Variants in TMEM120B observed in about 807,000 individuals in gnomAD.
TMEM120B encodes transmembrane protein 120B.
A neutral mutation model predicts 55.5 loss-of-function variants in TMEM120B; 31 were observed. The observed-to-expected ratio is 0.56, with a 90% CI of 0.42 to 0.75. The LOEUF (loss-of-function observed/expected upper bound fraction) is 0.75. TMEM120B is among the 30% of genes least tolerant of loss of function. The pLI is 0.00. For synonymous variants in TMEM120B, 203 were observed against 176.3 expected (o/e 1.15, Z -1.20); for missense variants, 399 against 425.5 (o/e 0.94, Z 0.55).
intron 4 of TMEM120B, among the ~76,000 whole-genome samples, chr12:121,751,224 A>C (rs1452140866): frequency 5.7e-5 from 3 of 52,990 alleles, no homozygotes; most frequent in Admixed American, 2.3e-4. Flanking sequence ...CACACCCAAC[A>C]CCCCACACCC....
chr12:121,779,327 TG>T lies in TMEM120B; in HGVS notation c.*3607del. 1 of 701,876 alleles carries T rather than the reference TG, an allele frequency of 1.4e-6. No homozygotes were observed. The highest frequency in any genetic ancestry group is 2.3e-6 in the Non-Finnish European group (1 of 430,970). 43.5% of individuals were successfully genotyped at this position (701,876 alleles called of 1,614,324 possible). ...CAGGGGCAGCCTGGAGGGGAGTTTGTGGTCAGAGCCCCAGCCAGGAAAGGAG... is the reference window on the plus strand; with the variant it reads ...CAGGGGCAGCCTGGAGGGGAGTTTGTGTCAGAGCCCCAGCCAGGAAAGGAG... On this transcript the variant is annotated 3_prime_UTR_variant, in exon 12 of 12. Coordinates refer to ENST00000449592, the MANE Select transcript of TMEM120B (RefSeq NM_001080825.2).
At chr12:121,731,329 G>T (rs1382649296) in intron 1 of TMEM120B, among the ~76,000 whole-genome samples, 1 of 152,104 alleles carries the variant, frequency 6.6e-6, no homozygotes, top group East Asian at 1.9e-4. Flanking sequence ...TAGGCTCACT[G>T]CAACGTCTGC....
At chr12:121,746,571 G>C (rs1273930427) in intron 2 of TMEM120B, among the ~76,000 whole-genome samples, 1 of 152,132 alleles carries the variant, frequency 6.6e-6, no homozygotes, top group Non-Finnish European at 1.5e-5. Context: ...GGCCTCAAGT[G>C]ATCCTCCTGC....
chr12:121,775,763 AG>A lies in TMEM120B; in HGVS notation c.*46del. 1.2e-6 allele frequency: 2 copies of A among 1,605,826 alleles called. No individual in the cohort carries two copies. The highest frequency in any genetic ancestry group is 8.5e-7 in the Non-Finnish European group (1 of 1,174,944). ...GCCCTCGGCCCGGACTTCAGACTGC[AG>A]GGGGCTCCCGGGCTCCTTCCCAGCA... On this transcript the variant is annotated 3_prime_UTR_variant, in exon 12 of 12. Coordinates refer to ENST00000449592, the MANE Select transcript of TMEM120B (RefSeq NM_001080825.2). This position sits in a 1 kb window ranked among gnomAD's most constrained non-coding sequence, Gnocchi z 4.3.
chr12:121,743,755 C>G lies in TMEM120B; in HGVS notation c.188+8C>G, dbSNP rs780222856. On this transcript the variant is annotated splice_region_variant and intron_variant, in intron 2 of 11. Transcript: ENST00000449592. ...GAAGCTTACACTCCAGAGGTAGGTGCAGCTGTAGCCCGGGGGCTGCCCTGG... is the reference window on the plus strand; with the variant it reads ...GAAGCTTACACTCCAGAGGTAGGTGGAGCTGTAGCCCGGGGGCTGCCCTGG... The G allele has an allele frequency of 1.9e-6, 3 of 1,599,644 alleles. No individual in the cohort carries two copies. Among genetic ancestry groups the G allele is most frequent in the Non-Finnish European group, 2.6e-6 (3 of 1,168,500 alleles).
chr12:121,738,828 T>G (rs1215424359), intron 1 of TMEM120B, among the ~76,000 whole-genome samples: 1 of 152,156 alleles, frequency 6.6e-6, no homozygotes, highest in Non-Finnish European at 1.5e-5. Flanking sequence ...CCCCAAATCA[T>G]GAGGAAACAT....
intron 1 of TMEM120B, among the ~76,000 whole-genome samples, chr12:121,736,602 C>G (rs150700237): frequency 6.7e-6 from 1 of 150,210 alleles, no homozygotes; most frequent in Non-Finnish European, 1.5e-5. Context: ...CAGGCTGGAG[C>G]GCAGTGGCAC....
chr12:121,738,990 C>T (rs1299480791), intron 1 of TMEM120B, among the ~76,000 whole-genome samples: 2 of 152,022 alleles, frequency 1.3e-5, no homozygotes, highest in Admixed American at 6.6e-5. Flanking sequence ...AGTTCCAGAC[C>T]AGCCTGGCCA....
rs71305665 is a variant in TMEM120B at position 121,726,907 on chromosome 12, CAAAAAAAAAAAAAA to C, written c.69+13959_69+13972del. Among the ~76,000 whole-genome samples the C allele has an allele frequency of 1.9e-4, 14 of 73,710 alleles. No homozygotes were observed. The South Asian group carries it at 2.0e-3, about 11-fold the overall frequency. 48.4% of individuals were successfully genotyped at this position (73,710 alleles called of 152,430 possible). On this transcript the variant is annotated intron_variant, in intron 1 of 11. Coordinates refer to ENST00000449592, the MANE Select transcript of TMEM120B (RefSeq NM_001080825.2). Reference sequence around the variant, plus strand: ...TGGGCAACAGAGTGGGACTCTGTCTCAAAAAAAAAAAAAAAAAAAAAAAAAAAAAGCTTCAGGCT... The same window carrying C: ...TGGGCAACAGAGTGGGACTCTGTCTCAAAAAAAAAAAAAAAGCTTCAGGCT...
At chr12:121,769,305 C>T (rs1873951683) in intron 6 of TMEM120B, among the ~76,000 whole-genome samples, 1 of 152,084 alleles carries the variant, frequency 6.6e-6, no homozygotes, top group African/African-American at 2.4e-5. Flanking sequence ...GGGCCTGGGG[C>T]ATGTAGCTCC....
intron 1 of TMEM120B, among the ~76,000 whole-genome samples, chr12:121,734,271 T>A (rs1369176616): frequency 6.6e-6 from 1 of 152,114 alleles, no homozygotes; most frequent in African/African-American, 2.4e-5. Flanking sequence ...TTTTTCTTTT[T>A]TTTTGAGATG....
chr12:121,773,940 AACTCTGCTATCTTTTT>A (rs1233605121), intron 9 of TMEM120B, among the ~76,000 whole-genome samples: 6 of 150,092 alleles, frequency 4.0e-5, no homozygotes, highest in African/African-American at 1.5e-4. Context: ...TTTTTAATAC[AACTCTGCTATCTTTTT>A]TTTTTTTTTT....
At chr12:121,742,468 T>G (rs556684671) in intron 1 of TMEM120B, among the ~76,000 whole-genome samples, 2 of 152,340 alleles carry the variant, frequency 1.3e-5, no homozygotes, top group African/African-American at 4.8e-5. Context: ...GTTTGTTGGC[T>G]TATCGTTGCT....
intron 6 of TMEM120B, among the ~76,000 whole-genome samples, 166 bp downstream of exon 6, chr12:121,761,904 C>T (rs1056960696): frequency 6.6e-6 from 1 of 152,100 alleles, no homozygotes; most frequent in Non-Finnish European, 1.5e-5. Context: ...GCTGTTGATG[C>T]GGCAGCTCTT....
chr12:121,724,416 G>A (rs939866536), intron 1 of TMEM120B, among the ~76,000 whole-genome samples: 4 of 152,070 alleles, frequency 2.6e-5, no homozygotes, highest in African/African-American at 7.2e-5. Flanking sequence ...TCAAGCAAGT[G>A]ATCCACCCGC....
In TMEM120B at chr12:121,774,707, C is replaced by T. The variant is rs748230726; in HGVS notation, c.822C>T (p.Phe274=). The T allele has an allele frequency of 3.1e-6, 5 of 1,614,034 alleles. No individual in the cohort carries two copies. In the East Asian group the frequency reaches 6.7e-5, roughly 22 times the overall value. Residue 274 remains phenylalanine (F), a synonymous_variant, in exon 10 of 12, where the codon TTC becomes TTT. Coordinates refer to ENST00000449592, the MANE Select transcript of TMEM120B (RefSeq NM_001080825.2). ...MWRGLTFLLP[F]LFCGHFWQLY... The stretch of plus-strand genomic sequence containing the variant: ...GGGGCCTCACCTTTCTCCTGCCCTT[C>T]CTCTTCTGTGGCCATGTGAGTCCCC...
At chr12:121,752,302 C>A in intron 5 of TMEM120B, 79 bp downstream of exon 5, 1 of 1,207,310 alleles carries the variant, frequency 8.3e-7, no homozygotes, top group South Asian at 1.2e-5. Flanking sequence ...ATCCAGGGGA[C>A]CCGGAGCCTC....
intron 5 of TMEM120B, among the ~76,000 whole-genome samples, chr12:121,752,442 T>C (rs1200156702): frequency 6.6e-6 from 1 of 152,186 alleles, no homozygotes; most frequent in Non-Finnish European, 1.5e-5. Flanking sequence ...GGAAAGGCCT[T>C]GTACTGTACT....
In TMEM120B at chr12:121,779,310, GC is replaced by G. The variant is rs1188972624; in HGVS notation, c.*3590del. ...ACATCACCACCATGTCCCAGGGGCA[GC>G]CTGGAGGGGAGTTTGTGGTCAGAGC... is the stretch of plus-strand genomic sequence containing the variant. On this transcript the variant is annotated 3_prime_UTR_variant, in exon 12 of 12. Transcript: ENST00000449592. 2 of 644,070 alleles carry G rather than the reference GC, an allele frequency of 3.1e-6. No homozygotes were observed. Among genetic ancestry groups the G allele is most frequent in the Non-Finnish European group, 5.3e-6 (2 of 379,210 alleles). 39.9% of individuals were successfully genotyped at this position (644,070 alleles called of 1,614,324 possible).
Sources: gnomAD v4.1 joint callset for allele counts (sites outside exome capture counted in the v4.1 genomes callset) on GRCh38, gnomAD v4.1.1 for gene constraint, Gnocchi (gnomAD v3.1) non-coding constraint, MANE v1.5 for transcripts, NCBI Gene and HGNC (gene_info 2026-07-23, HGNC 2026-07-21) for gene names.